TMEM178B: variants seen among roughly 807,000 people sequenced by gnomAD.
TMEM178B encodes transmembrane protein 178B.
In TMEM178B, 5 loss-of-function variants were observed where a neutral mutation model predicts 31.0. The observed-to-expected ratio is 0.16, with a 90% CI of 0.08 to 0.34. The LOEUF is 0.34. TMEM178B is among the 10% of genes least tolerant of loss of function. The pLI, the probability that TMEM178B is intolerant of heterozygous loss-of-function variation, is 1.00. For synonymous variants in TMEM178B, 164 were observed against 164.0 expected, an observed-to-expected ratio of 1.00 and a Z score of 0.00; for missense variants, 275 against 400.3, an observed-to-expected ratio of 0.69 and a Z score of 2.67.
intron 2 of TMEM178B, among the ~76,000 whole-genome samples, chr7:141,428,355 C>T (rs1243440032): frequency 9.3e-6 from 1 of 108,088 alleles, no homozygotes; most frequent in East Asian, 2.6e-4. Context: ...GCAACAAAAG[C>T]GAGACTCCAC....
At chr7:141,129,471 G>T (rs1563095295) in intron 1 of TMEM178B, among the ~76,000 whole-genome samples, 1 of 152,126 alleles carries the variant, frequency 6.6e-6, no homozygotes, top group Non-Finnish European at 1.5e-5. Flanking sequence ...CATGTCACCA[G>T]CACTCAGATC....
rs545404886 is a variant in TMEM178B at position 141,105,831 on chromosome 7, A to C, written c.382+31139A>C. The stretch of plus-strand genomic sequence containing the variant: ...AGTTTGGGGCCAGGCATGGTGGCTC[A>C]TGCCTGTAATCCCAGCTGTTTGGGA... On this transcript the variant is annotated intron_variant, in intron 1 of 3. Coordinates refer to ENST00000565468, the MANE Select transcript of TMEM178B (RefSeq NM_001195278.2). Among the ~76,000 whole-genome samples the C allele has an allele frequency of 2.6e-5, 4 of 152,236 alleles. No individual in the cohort carries two copies. In the East Asian group the frequency reaches 7.8e-4, roughly 30 times the overall value.
intron 1 of TMEM178B, among the ~76,000 whole-genome samples, chr7:141,120,685 G>C (rs1795393750): frequency 6.6e-6 from 1 of 152,056 alleles, no homozygotes; most frequent in African/African-American, 2.4e-5. Flanking sequence ...GCTGGATGAA[G>C]TGTCTCACTC....
chr7:141,252,486 A>G (rs530443550), intron 2 of TMEM178B, among the ~76,000 whole-genome samples: 1 of 152,270 alleles, frequency 6.6e-6, no homozygotes, highest in African/African-American at 2.4e-5. Context: ...TGTAGACGTC[A>G]CTCTAGTGAT....
At chr7:141,093,726 A>G (rs1017884811) in intron 1 of TMEM178B, among the ~76,000 whole-genome samples, 2 of 152,218 alleles carry the variant, frequency 1.3e-5, no homozygotes, top group South Asian at 2.1e-4. Context: ...AACATTCGGG[A>G]AAGTGTGCTG....
chr7:141,146,322 G>A (rs1442083999), intron 1 of TMEM178B, among the ~76,000 whole-genome samples: 1 of 152,196 alleles, frequency 6.6e-6, no homozygotes, highest in Non-Finnish European at 1.5e-5. Flanking sequence ...GGAGGAAGAA[G>A]ACATCCAATC....
chr7:141,123,144 C>G (rs552709380), intron 1 of TMEM178B, among the ~76,000 whole-genome samples: 1 of 152,320 alleles, frequency 6.6e-6, no homozygotes, highest in African/African-American at 2.4e-5. Flanking sequence ...TTTTCTCTGT[C>G]TCTTGATGCT....
chr7:141,492,490 C>T, the TMEM178B span, among the ~76,000 whole-genome samples: 1 of 152,198 alleles, frequency 6.6e-6, no homozygotes, highest in Non-Finnish European at 1.5e-5. Context: ...CTGAGCCTAG[C>T]ACAATGCCTG....
At chr7:141,269,227 A>G (rs751010752) in intron 2 of TMEM178B, among the ~76,000 whole-genome samples, 21 of 151,588 alleles carry the variant, frequency 1.4e-4, no homozygotes, top group Admixed American at 5.9e-4. Flanking sequence ...AGTAGCTGGG[A>G]CTACAGGTGC....
chr7:141,327,557 T>G (rs909126556), intron 2 of TMEM178B, among the ~76,000 whole-genome samples: 2 of 152,182 alleles, frequency 1.3e-5, no homozygotes, highest in African/African-American at 4.8e-5. Flanking sequence ...GACAACTATA[T>G]AAAAACATGT....
intron 2 of TMEM178B, among the ~76,000 whole-genome samples, chr7:141,289,940 G>C (rs908262840): frequency 2.6e-5 from 4 of 152,112 alleles, no homozygotes; most frequent in African/African-American, 9.6e-5. Context: ...TTAGAGGCCA[G>C]AGACCAGCCT....
chr7:141,254,810 A>G (rs962623454), intron 2 of TMEM178B, among the ~76,000 whole-genome samples: 1 of 152,226 alleles, frequency 6.6e-6, no homozygotes, highest in Non-Finnish European at 1.5e-5. Flanking sequence ...TTCAGTGTAC[A>G]CAGTTCTTAG....
At chr7:141,397,673 T>A (rs568922458) in intron 2 of TMEM178B, among the ~76,000 whole-genome samples, 1 of 152,310 alleles carries the variant, frequency 6.6e-6, no homozygotes, top group Admixed American at 6.5e-5. Context: ...TATGAGCAAA[T>A]CCTTTAGTTA....
chr7:141,338,454 A>T (rs1283919999), intron 2 of TMEM178B, among the ~76,000 whole-genome samples: 2 of 152,168 alleles, frequency 1.3e-5, no homozygotes, highest in Non-Finnish European at 2.9e-5. Context: ...GAAACATCTT[A>T]TTAAAATAGT....
chr7:141,268,038 A>G (rs1164530125), intron 2 of TMEM178B, among the ~76,000 whole-genome samples: 1 of 152,260 alleles, frequency 6.6e-6, no homozygotes, highest in African/African-American at 2.4e-5. Context: ...ACAGAATTAC[A>G]TTGAGCCCAT....
chr7:141,242,573 A>T (rs1392987432), intron 2 of TMEM178B, among the ~76,000 whole-genome samples: 3 of 120,804 alleles, frequency 2.5e-5, no homozygotes, highest in Non-Finnish European at 4.9e-5. Context: ...ACGGAATCTC[A>T]CTCTGTTGCC....
chr7:141,333,288 T>C (rs954871771), intron 2 of TMEM178B, among the ~76,000 whole-genome samples: 1 of 152,228 alleles, frequency 6.6e-6, no homozygotes, highest in Admixed American at 6.5e-5. Flanking sequence ...TTCTACCCTC[T>C]TCACTTCCCC....
chr7:141,148,698 T>C (rs1250294192), intron 1 of TMEM178B, among the ~76,000 whole-genome samples: 1 of 152,230 alleles, frequency 6.6e-6, no homozygotes, highest in African/African-American at 2.4e-5. Flanking sequence ...GTGCAGAGAA[T>C]AGAGCAGTGA....
chr7:141,074,952 G>A lies in TMEM178B; in HGVS notation c.382+260G>A, dbSNP rs1286032523. ...ATTCGAGTGGAACCTCATGGTCCAG[G>A]GTTCTTATCCAGGATAATGCTTCAT... On this transcript the variant is annotated intron_variant, in intron 1 of 3. Transcript: ENST00000565468. The surrounding 1 kb of genome is among the most constrained non-coding windows in gnomAD (Gnocchi z 5.1). Among the ~76,000 whole-genome samples the A allele has an allele frequency of 6.6e-6, 1 of 152,194 alleles. No homozygotes were observed. The highest frequency in any genetic ancestry group is 1.5e-5 in the Non-Finnish European group (1 of 68,032).
Sources: allele counts gnomAD v4.1 joint callset (sites outside exome capture counted in the v4.1 genomes callset), GRCh38; gene constraint gnomAD v4.1.1; non-coding constraint Gnocchi (gnomAD v3.1); transcripts MANE v1.5; gene names NCBI Gene and HGNC (gene_info 2026-07-23, HGNC 2026-07-21).